Variants in CDK19 observed in about 807,000 individuals in gnomAD.
The protein encoded by CDK19 is cyclin-dependent kinase 19.
In CDK19, 20 loss-of-function variants were observed where a neutral mutation model predicts 68.3. The ratio of observed to expected loss-of-function variants is 0.29; its 90% CI spans 0.21 to 0.43. The LOEUF is 0.43. CDK19 is among the 20% of genes least tolerant of loss of function. CDK19 has a pLI of 1.00. For missense variants in CDK19, 339 were observed against 623.5 expected (o/e 0.54, Z 4.86); for synonymous variants, 221 against 222.8 (o/e 0.99, Z 0.07).
At chr6:110,812,812 T>TAAAAAAAA (rs66478846) in intron 1 of CDK19, among the ~76,000 whole-genome samples, 5 of 101,612 alleles carry the variant, frequency 4.9e-5, no homozygotes, top group African/African-American at 1.7e-4. Flanking sequence ...TTTAAAACAG[T>TAAAAAAAA]AAAAAAAAAA....
chr6:110,785,741 G>A (rs539204124), intron 1 of CDK19, among the ~76,000 whole-genome samples: 12 of 152,248 alleles, frequency 7.9e-5, no homozygotes, highest in African/African-American at 2.9e-4. Context: ...AGTACTTTGG[G>A]AGGCCAAGGC....
At chr6:110,765,729 T>A (rs1207333222) in intron 1 of CDK19, among the ~76,000 whole-genome samples, 2 of 149,550 alleles carry the variant, frequency 1.3e-5, no homozygotes, top group Non-Finnish European at 3.0e-5. Flanking sequence ...ATTATATATA[T>A]AAATATAACA....
At chr6:110,766,560 A>T (rs1779601004) in intron 1 of CDK19, among the ~76,000 whole-genome samples, 2 of 152,190 alleles carry the variant, frequency 1.3e-5, no homozygotes, top group South Asian at 4.1e-4. Flanking sequence ...CCTGGGCAAC[A>T]GAGCGAGACT....
chr6:110,717,149 GAATA>G (rs1775467545), intron 2 of CDK19, among the ~76,000 whole-genome samples: 1 of 151,776 alleles, frequency 6.6e-6, no homozygotes, highest in Non-Finnish European at 1.5e-5. Context: ...ATAAATAAAT[GAATA>G]AATAGAACGT....
At chr6:110,680,189 C>T (rs1161690232) in intron 2 of CDK19, among the ~76,000 whole-genome samples, 2 of 152,182 alleles carry the variant, frequency 1.3e-5, no homozygotes, top group Non-Finnish European at 2.9e-5. Context: ...ACCTACTCTA[C>T]CAGAAGAATA....
At chr6:110,733,590 A>G (rs1322198010) in intron 2 of CDK19, among the ~76,000 whole-genome samples, 1 of 152,194 alleles carries the variant, frequency 6.6e-6, no homozygotes, top group African/African-American at 2.4e-5. Flanking sequence ...CCATAACTTC[A>G]TTAACAATGG....
intron 1 of CDK19, among the ~76,000 whole-genome samples, chr6:110,766,724 G>A (rs1257418768): frequency 6.6e-6 from 1 of 152,176 alleles, no homozygotes; most frequent in African/African-American, 2.4e-5. Context: ...ATCCTACCTA[G>A]TGCAATGGCT....
Position 110,614,323 on chromosome 6 carries a change from G to C in CDK19, c.*212C>G. 1 of 433,492 alleles carries C rather than the reference G, an allele frequency of 2.3e-6. No individual in the cohort carries two copies. The highest frequency in any genetic ancestry group is 4.1e-6 in the Non-Finnish European group (1 of 241,026). 26.9% of individuals were successfully genotyped at this position (433,492 alleles called of 1,614,324 possible). On this transcript the variant is annotated 3_prime_UTR_variant, in exon 13 of 13. Transcript: ENST00000368911. ...GAAGTCACAATGGAACACATGCAGGGAAGGGGTGCTGGGGAAACTTCACAA... is the reference window on the plus strand; with the variant it reads ...GAAGTCACAATGGAACACATGCAGGCAAGGGGTGCTGGGGAAACTTCACAA...
chr6:110,688,093 T>C (rs1214793547), intron 2 of CDK19, among the ~76,000 whole-genome samples: 1 of 151,966 alleles, frequency 6.6e-6, no homozygotes, highest in Admixed American at 6.6e-5. Context: ...TTAAATAAAA[T>C]ACACAGGGAA....
At chr6:110,736,934 T>C (rs775668557) in intron 2 of CDK19, among the ~76,000 whole-genome samples, 4 of 152,218 alleles carry the variant, frequency 2.6e-5, no homozygotes, top group Non-Finnish European at 5.9e-5. Flanking sequence ...GCCAATTAAA[T>C]CTAACTGCTT....
intron 2 of CDK19, among the ~76,000 whole-genome samples, chr6:110,672,601 T>A (rs1005345841): frequency 6.6e-6 from 1 of 152,216 alleles, no homozygotes; most frequent in Non-Finnish European, 1.5e-5. Context: ...TTTTATTAAT[T>A]GCTTATTTTC....
intron 4 of CDK19, among the ~76,000 whole-genome samples, chr6:110,655,836 C>T (rs1285507421): frequency 6.6e-6 from 1 of 152,180 alleles, no homozygotes; most frequent in Non-Finnish European, 1.5e-5. Context: ...TTAACAAAAA[C>T]CTGACCAGCT....
chr6:110,804,676 C>G (rs1782555003), intron 1 of CDK19, among the ~76,000 whole-genome samples: 1 of 149,130 alleles, frequency 6.7e-6, no homozygotes, highest in Admixed American at 6.6e-5. Flanking sequence ...AGACCTGTTG[C>G]CGGGCGCGGT....
intron 1 of CDK19, among the ~76,000 whole-genome samples, chr6:110,751,085 T>TG (rs988500515): frequency 6.6e-6 from 1 of 152,072 alleles, no homozygotes; most frequent in Non-Finnish European, 1.5e-5. Context: ...CCACCCACCT[T>TG]GAACTCCCAA....
chr6:110,719,972 G>GCACCCCCCCCCCCCCCC (rs1554211507), intron 2 of CDK19, among the ~76,000 whole-genome samples: 1 of 45,520 alleles, frequency 2.2e-5, no homozygotes, highest in Non-Finnish European at 4.2e-5. Flanking sequence ...CTTGTGATCC[G>GCACCCCCCCCCCCCCCC]CCCCCCCCCC....
intron 4 of CDK19, among the ~76,000 whole-genome samples, chr6:110,660,974 C>T (rs985437537): frequency 9.2e-5 from 14 of 152,236 alleles, no homozygotes; most frequent in African/African-American, 3.4e-4. Flanking sequence ...CTGTCCCTAT[C>T]AATAGGTAGC....
intron 1 of CDK19, among the ~76,000 whole-genome samples, chr6:110,767,600 C>T (rs940185128): frequency 5.9e-5 from 9 of 151,864 alleles, no homozygotes; most frequent in Admixed American, 1.3e-4. Flanking sequence ...AGGTGATCCA[C>T]GCTCCTCAGC....
chr6:110,732,140 T>G (rs979697754), intron 2 of CDK19, among the ~76,000 whole-genome samples: 1 of 152,006 alleles, frequency 6.6e-6, no homozygotes, highest in African/African-American at 2.4e-5. Context: ...CTAAAAGGTT[T>G]GTTTCCTAAA....
chr6:110,803,775 G>A (rs1295878235), intron 1 of CDK19, among the ~76,000 whole-genome samples: 1 of 152,136 alleles, frequency 6.6e-6, no homozygotes, highest in Non-Finnish European at 1.5e-5. Context: ...AGACCAGTCT[G>A]GGCAACATGG....
Sources: gnomAD v4.1 joint callset for allele counts (sites outside exome capture counted in the v4.1 genomes callset) on GRCh38, gnomAD v4.1.1 for gene constraint, MANE v1.5 for transcripts, NCBI Gene and HGNC (gene_info 2026-07-23, HGNC 2026-07-21) for gene names.